The following FOXO3 variants were observed in gnomAD, a reference collection of about 807,000 sequenced individuals.
The protein encoded by FOXO3 is forkhead box protein O3.
FOXO3 carries 4 observed loss-of-function variants against 41.9 expected under a neutral mutation model. The observed-to-expected ratio is 0.10, with a 90% CI of 0.05 to 0.22. FOXO3 has a LOEUF of 0.22. FOXO3 is among the 10% of genes least tolerant of loss of function. The pLI is 1.00. For missense variants in FOXO3, 534 were observed against 906.8 expected (o/e 0.59, Z 5.28); for synonymous variants, 318 against 389.3 (o/e 0.82, Z 2.16).
intron 1 of FOXO3, among the ~76,000 whole-genome samples, chr6:108,589,754 T>C (rs955490206): frequency 6.6e-6 from 1 of 152,202 alleles, no homozygotes. Flanking sequence ...ATGGGAAATT[T>C]AGGGGACTTT....
chr6:108,673,579 A>T (rs1421139676), intron 2 of FOXO3, among the ~76,000 whole-genome samples: 1 of 152,350 alleles, frequency 6.6e-6, no homozygotes, highest in Non-Finnish European at 1.5e-5. Context: ...TGGAAAAATT[A>T]GATTGTCTCT....
At chr6:108,616,156 GTTTTTTTTTTTT>G (rs35632295) in intron 1 of FOXO3, among the ~76,000 whole-genome samples, 6 of 55,156 alleles carry the variant, frequency 1.1e-4, no homozygotes, top group East Asian at 1.3e-3. Flanking sequence ...CCCAACTAAG[GTTTTTTTTTTTT>G]TTTTTTTTTT....
chr6:108,589,774 C>G (rs551296511), intron 1 of FOXO3, among the ~76,000 whole-genome samples: 3 of 152,222 alleles, frequency 2.0e-5, no homozygotes, highest in Non-Finnish European at 4.4e-5. Context: ...TTGGATTACA[C>G]AGTGTTGCCT....
At chr6:108,597,315 T>G (rs1488175090) in intron 1 of FOXO3, among the ~76,000 whole-genome samples, 1 of 152,196 alleles carries the variant, frequency 6.6e-6, no homozygotes, top group Non-Finnish European at 1.5e-5. Flanking sequence ...CTGTCCCCAT[T>G]AAATCCAGAA....
At chr6:108,666,312 A>G (rs1268968770) in intron 2 of FOXO3, among the ~76,000 whole-genome samples, 1 of 151,902 alleles carries the variant, frequency 6.6e-6, no homozygotes, top group Non-Finnish European at 1.5e-5. Context: ...TTACAGAGCT[A>G]GGTTGATTTC....
intron 1 of FOXO3, among the ~76,000 whole-genome samples, chr6:108,632,062 T>C (rs1777989459): frequency 6.6e-6 from 1 of 152,164 alleles, no homozygotes; most frequent in Non-Finnish European, 1.5e-5. Context: ...TCTAGAGGCT[T>C]GATTAAACTC....
At chr6:108,679,247 T>G (rs946756425) in intron 2 of FOXO3, among the ~76,000 whole-genome samples, 86 of 152,156 alleles carry the variant, frequency 5.7e-4, no homozygotes, top group African/African-American at 2.0e-3. Context: ...GAGTCAAGAT[T>G]ACCCACACCC....
chr6:108,677,768 C>A (rs1000935118), intron 2 of FOXO3, among the ~76,000 whole-genome samples: 1 of 152,058 alleles, frequency 6.6e-6, no homozygotes, highest in African/African-American at 2.4e-5. Flanking sequence ...TCATACTTTG[C>A]AGGGCAAGGT....
chr6:108,568,843 A>G (rs745563239), intron 1 of FOXO3, among the ~76,000 whole-genome samples: 9 of 152,192 alleles, frequency 5.9e-5, no homozygotes, highest in Non-Finnish European at 8.8e-5. Context: ...TTGTTACCCA[A>G]TGCATAAGTC....
intron 1 of FOXO3, among the ~76,000 whole-genome samples, chr6:108,571,324 T>C (rs758245749): frequency 3.9e-5 from 6 of 152,226 alleles, no homozygotes; most frequent in Non-Finnish European, 5.9e-5. Context: ...GTTTCTCACC[T>C]CCCTCCACTA....
At chr6:108,670,642 T>C (rs888306821) in intron 2 of FOXO3, among the ~76,000 whole-genome samples, 3 of 152,220 alleles carry the variant, frequency 2.0e-5, no homozygotes, top group Admixed American at 6.5e-5. Flanking sequence ...TTCCTAAATG[T>C]GTTTGATATC....
At chr6:108,579,435 G>A (rs577628416) in intron 1 of FOXO3, among the ~76,000 whole-genome samples, 2 of 152,286 alleles carry the variant, frequency 1.3e-5, no homozygotes, top group African/African-American at 2.4e-5. Context: ...GTCAGAGTTT[G>A]GAGGAAAGTC....
intron 1 of FOXO3, among the ~76,000 whole-genome samples, chr6:108,658,066 T>C (rs2128385073): frequency 6.6e-6 from 1 of 152,304 alleles, no homozygotes; most frequent in Non-Finnish European, 1.5e-5. Context: ...GGTTTAGTTA[T>C]ATGCAGATGG....
rs143546022 is a variant in FOXO3 at position 108,586,936 on chromosome 6, A to ATATTATTAT, written c.621+25151_621+25159dup. Among the ~76,000 whole-genome samples the ATATTATTAT allele has an allele frequency of 6.2e-3, 828 of 133,604 alleles. 5 individuals are homozygous for ATATTATTAT. Among genetic ancestry groups the ATATTATTAT allele is most frequent in the African/African-American group, 0.019 (666 of 35,478 alleles). The allele number at this position is 133,604 out of a possible 152,430, so 87.6% of individuals were successfully genotyped here. ...ATTCTCACTATAAACCTGAACGTAA[A>ATATTATTAT]TATTATTATTATTATTATTATTATT... On this transcript the variant is annotated intron_variant, in intron 1 of 2. Coordinates refer to ENST00000406360, the MANE Select transcript of FOXO3 (RefSeq NM_001455.4).
At chr6:108,589,322 G>A (rs1413878375) in intron 1 of FOXO3, among the ~76,000 whole-genome samples, 1 of 152,172 alleles carries the variant, frequency 6.6e-6, no homozygotes, top group Non-Finnish European at 1.5e-5. Context: ...CCGGAGCTGG[G>A]AGTCTTGACC....
intron 1 of FOXO3, among the ~76,000 whole-genome samples, chr6:108,600,397 A>C (rs1219102498): frequency 3.3e-5 from 5 of 151,874 alleles, no homozygotes. Context: ...GATACAAAAA[A>C]TTAGCCGGGT....
intron 2 of FOXO3, among the ~76,000 whole-genome samples, chr6:108,675,333 G>A (rs1011961571): frequency 6.6e-6 from 1 of 152,148 alleles, no homozygotes; most frequent in African/African-American, 2.4e-5. Context: ...GGCTGGAAGG[G>A]CAGTCCACTC....
At chr6:108,583,188 G>A (rs987052500) in intron 1 of FOXO3, among the ~76,000 whole-genome samples, 3 of 152,122 alleles carry the variant, frequency 2.0e-5, no homozygotes, top group Non-Finnish European at 2.9e-5. Flanking sequence ...TACAGTCCTC[G>A]CTTCAGACTC....
chr6:108,581,810 G>C (rs1347007458), intron 1 of FOXO3, among the ~76,000 whole-genome samples: 1 of 152,156 alleles, frequency 6.6e-6, no homozygotes, highest in Non-Finnish European at 1.5e-5. Context: ...GCAAAGGAAC[G>C]AGAGGAAAGA....
Sources: allele counts gnomAD v4.1 joint callset (sites outside exome capture counted in the v4.1 genomes callset), GRCh38; gene constraint gnomAD v4.1.1; transcripts MANE v1.5; gene names NCBI Gene and HGNC (gene_info 2026-07-23, HGNC 2026-07-21).